OR6N1: variants seen among roughly 807,000 people sequenced by gnomAD.
The protein encoded by OR6N1 is olfactory receptor 6N1.
For synonymous variants in OR6N1, 170 were observed against 150.7 expected, an observed-to-expected ratio of 1.13 and a Z score of -0.94; for missense variants, 394 against 371.7, an observed-to-expected ratio of 1.06 and a Z score of -0.49.
upstream of OR6N1, chr1:158,776,953 A>G (rs199717306): frequency 1.3e-5 from 21 of 1,614,132 alleles, no homozygotes; most frequent in African/African-American, 1.3e-4. Context: ...TGCTGTTTTT[A>G]TCTTCAGCAC....
At chr1:158,808,283 A>G in the OR6N1 span, 344 of 150,922 alleles carry the variant, frequency 2.3e-3, 1 homozygote, top group African/African-American at 6.8e-3. Flanking sequence ...GACTACAGGC[A>G]CCCGCCACCG....
the OR6N1 span, among the ~76,000 whole-genome samples, chr1:158,816,658 C>T: frequency 6.6e-6 from 1 of 152,222 alleles, no homozygotes; most frequent in South Asian, 2.1e-4. Flanking sequence ...CCTTGCACTC[C>T]AGCCTGGGTG....
chr1:158,836,100 T>C, the OR6N1 span, among the ~76,000 whole-genome samples: 9 of 151,780 alleles, frequency 5.9e-5, no homozygotes, highest in Non-Finnish European at 1.5e-5. Context: ...GATGCATAAA[T>C]AAATTTAACG....
the OR6N1 span, among the ~76,000 whole-genome samples, chr1:158,785,218 C>T: frequency 6.6e-6 from 1 of 152,092 alleles, no homozygotes. Flanking sequence ...GTTTTGATAT[C>T]CAAATACAAA....
intron 1 of OR6N1, among the ~76,000 whole-genome samples, chr1:158,768,745 AT>A (rs1363895562): frequency 6.6e-6 from 1 of 152,122 alleles, no homozygotes; most frequent in Non-Finnish European, 1.5e-5. Flanking sequence ...CTTTGCTCAA[AT>A]TTCACCAGCT....
chr1:158,836,788 C>T, the OR6N1 span, among the ~76,000 whole-genome samples: 1 of 150,856 alleles, frequency 6.6e-6, no homozygotes, highest in Admixed American at 6.6e-5. Context: ...TTTTTAAGTT[C>T]CTTATGGTGT....
At chr1:158,799,029 C>A in the OR6N1 span, among the ~76,000 whole-genome samples, 1 of 152,194 alleles carries the variant, frequency 6.6e-6, no homozygotes, top group Non-Finnish European at 1.5e-5. Flanking sequence ...CTTTAACTTG[C>A]ATGCATAACA....
At chr1:158,835,875 T>A in the OR6N1 span, among the ~76,000 whole-genome samples, 1 of 152,034 alleles carries the variant, frequency 6.6e-6, no homozygotes, top group Non-Finnish European at 1.5e-5. Context: ...ATTTTTTGCA[T>A]CAATTGAGAT....
chr1:158,769,199 T>C (rs1452433105), intron 1 of OR6N1, among the ~76,000 whole-genome samples: 2 of 152,144 alleles, frequency 1.3e-5, no homozygotes, highest in African/African-American at 4.8e-5. Context: ...CATCTCACTC[T>C]ATCACCCAGC....
At chr1:158,791,556 G>A in the OR6N1 span, among the ~76,000 whole-genome samples, 3 of 149,474 alleles carry the variant, frequency 2.0e-5, no homozygotes, top group African/African-American at 4.9e-5. Flanking sequence ...TGCAAGCTCC[G>A]AGTCCTGGGT....
the OR6N1 span, among the ~76,000 whole-genome samples, chr1:158,779,620 C>T: frequency 6.6e-6 from 1 of 152,152 alleles, no homozygotes; most frequent in Non-Finnish European, 1.5e-5. Flanking sequence ...TCTTGATTCT[C>T]TTCTAACCTA....
the OR6N1 span, among the ~76,000 whole-genome samples, chr1:158,778,035 C>T: frequency 2.0e-5 from 3 of 152,230 alleles, no homozygotes; most frequent in Non-Finnish European, 2.9e-5. Context: ...TACTATATGA[C>T]TGTTCCCAAA....
At chr1:158,767,031 T>C (rs1657293139) in intron 1 of OR6N1, among the ~76,000 whole-genome samples, 1 of 152,218 alleles carries the variant, frequency 6.6e-6, no homozygotes, top group Non-Finnish European at 1.5e-5. Context: ...AAGGTATATA[T>C]TAACATTTAT....
chr1:158,830,430 C>T, the OR6N1 span, among the ~76,000 whole-genome samples: 1 of 152,152 alleles, frequency 6.6e-6, no homozygotes, highest in African/African-American at 2.4e-5. Flanking sequence ...CTGTAGATGG[C>T]CTTGGATCAT....
At chr1:158,834,065 C>G in the OR6N1 span, among the ~76,000 whole-genome samples, 2 of 151,950 alleles carry the variant, frequency 1.3e-5, no homozygotes, top group African/African-American at 4.8e-5. Flanking sequence ...ATCCTAGGAG[C>G]TCCGATGTTT....
the OR6N1 span, among the ~76,000 whole-genome samples, chr1:158,813,017 C>T: frequency 4.9e-4 from 74 of 152,276 alleles, no homozygotes; most frequent in East Asian, 0.012. Context: ...TATAAAAAGA[C>T]ATTCAGTCTA....
the OR6N1 span, among the ~76,000 whole-genome samples, chr1:158,826,210 A>T: frequency 6.6e-6 from 1 of 152,160 alleles, no homozygotes; most frequent in East Asian, 1.9e-4. Context: ...CTGCACATCA[A>T]ATCCCCAGGA....
the OR6N1 span, among the ~76,000 whole-genome samples, chr1:158,780,985 T>G: frequency 1.3e-5 from 2 of 152,220 alleles, no homozygotes; most frequent in South Asian, 4.1e-4. Flanking sequence ...CTTTAAAGTT[T>G]CTTCCAAATC....
chr1:158,767,771 A>G (rs1006512712), intron 1 of OR6N1, among the ~76,000 whole-genome samples: 3 of 152,174 alleles, frequency 2.0e-5, no homozygotes, highest in Non-Finnish European at 2.9e-5. Context: ...ATTTCTTTCT[A>G]TGTCCCTAAA....
Sources: gnomAD v4.1 joint callset for allele counts (sites outside exome capture counted in the v4.1 genomes callset) on GRCh38, gnomAD v4.1.1 for gene constraint, MANE v1.5 for transcripts, NCBI Gene and HGNC (gene_info 2026-07-23, HGNC 2026-07-21) for gene names.